The following PPARGC1A variants were observed in gnomAD, a reference collection of about 807,000 sequenced individuals.
The protein encoded by PPARGC1A is peroxisome proliferator-activated receptor gamma coactivator 1-alpha.
A neutral mutation model predicts 88.7 loss-of-function variants in PPARGC1A; 25 were observed. The observed-to-expected ratio is 0.28, with a 90% confidence interval of 0.21 to 0.39. The LOEUF (loss-of-function observed/expected upper bound fraction) is 0.39. Ranked by LOEUF, PPARGC1A falls within the 10% of genes least tolerant of loss-of-function variation. The probability of loss-of-function intolerance (pLI) is 1.00; values close to 1 mark genes in which losing one functional copy is unlikely to be tolerated. For missense variants in PPARGC1A, 880 were observed against 968.7 expected, an observed-to-expected ratio of 0.91 and a Z score of 1.22; for synonymous variants, 363 against 355.6, an observed-to-expected ratio of 1.02 and a Z score of -0.24.
the PPARGC1A span, among the ~76,000 whole-genome samples, chr4:24,224,295 A>G: frequency 0.49 from 74,907 of 152,066 alleles, 19,909 homozygotes; most frequent in Non-Finnish European, 0.58. Context: ...AGACGTTAAG[A>G]ATAAGACAGG....
the PPARGC1A span, among the ~76,000 whole-genome samples, chr4:24,078,249 A>T: frequency 6.6e-6 from 1 of 152,056 alleles, no homozygotes; most frequent in Non-Finnish European, 1.5e-5. Context: ...GGTGAACTTT[A>T]CTGCAATGTG....
chr4:24,010,648 T>C, the PPARGC1A span, among the ~76,000 whole-genome samples: 1 of 152,364 alleles, frequency 6.6e-6, no homozygotes, highest in Non-Finnish European at 1.5e-5. Context: ...ATATTTACTT[T>C]TGACTGCTTT....
At chr4:24,417,964 A>G in the PPARGC1A span, among the ~76,000 whole-genome samples, 11 of 151,920 alleles carry the variant, frequency 7.2e-5, no homozygotes, top group Non-Finnish European at 4.4e-5. Flanking sequence ...CTAACCCTCC[A>G]CCATCAGACT....
At chr4:24,367,573 A>C in the PPARGC1A span, among the ~76,000 whole-genome samples, 2 of 152,200 alleles carry the variant, frequency 1.3e-5, no homozygotes, top group Non-Finnish European at 2.9e-5. Context: ...GCAAATAATA[A>C]TAAGTAATTT....
At chr4:24,098,550 A>G in the PPARGC1A span, among the ~76,000 whole-genome samples, 1 of 152,218 alleles carries the variant, frequency 6.6e-6, no homozygotes, top group Non-Finnish European at 1.5e-5. Context: ...AAAGCAAAAG[A>G]CCCAAATATT....
chr4:24,107,822 A>G, the PPARGC1A span, among the ~76,000 whole-genome samples: 1 of 152,232 alleles, frequency 6.6e-6, no homozygotes, highest in Admixed American at 6.5e-5. Flanking sequence ...AGCCTTTGCT[A>G]TAGGATCATG....
chr4:24,002,335 C>T, the PPARGC1A span, among the ~76,000 whole-genome samples: 3 of 152,050 alleles, frequency 2.0e-5, no homozygotes, highest in African/African-American at 7.3e-5. Context: ...ACTATGTTGG[C>T]CAGGATGGTC....
chr4:24,172,090 C>T, the PPARGC1A span, among the ~76,000 whole-genome samples: 1 of 152,130 alleles, frequency 6.6e-6, no homozygotes, highest in Non-Finnish European at 1.5e-5. Context: ...CAGTCCTCTA[C>T]TATGGCAAAA....
chr4:23,820,578 T>G, intron 7 of PPARGC1A: 1 of 419,358 alleles, frequency 2.4e-6, no homozygotes, highest in Non-Finnish European at 4.8e-6. Context: ...CAAAAGAGCA[T>G]TCTCTTTTCT....
At chr4:24,304,856 C>T in the PPARGC1A span, among the ~76,000 whole-genome samples, 2 of 152,074 alleles carry the variant, frequency 1.3e-5, no homozygotes, top group African/African-American at 2.4e-5. Context: ...AAGGCAAAGT[C>T]ATGGGTTATC....
At chr4:24,193,047 G>A in the PPARGC1A span, among the ~76,000 whole-genome samples, 1 of 152,106 alleles carries the variant, frequency 6.6e-6, no homozygotes, top group Admixed American at 6.5e-5. Context: ...CAATTACTGA[G>A]TCTATAAATG....
At chr4:23,910,756 C>A in the PPARGC1A span, among the ~76,000 whole-genome samples, 1 of 151,700 alleles carries the variant, frequency 6.6e-6, no homozygotes, top group South Asian at 2.1e-4. Context: ...ATATTTTATA[C>A]CCATTACTAT....
At chr4:24,434,798 A>G in the PPARGC1A span, among the ~76,000 whole-genome samples, 1 of 152,162 alleles carries the variant, frequency 6.6e-6, no homozygotes, top group Non-Finnish European at 1.5e-5. Context: ...TCTTTTGTCC[A>G]TTCATGACAG....
intron 2 of PPARGC1A, among the ~76,000 whole-genome samples, chr4:23,874,970 A>C (rs1220626272): frequency 1.3e-5 from 2 of 152,228 alleles, no homozygotes; most frequent in African/African-American, 2.4e-5. Flanking sequence ...AGATATCAAA[A>C]ATTTGCATAA....
the PPARGC1A span, among the ~76,000 whole-genome samples, chr4:24,440,416 C>T: frequency 1.3e-5 from 2 of 152,180 alleles, no homozygotes; most frequent in Admixed American, 6.5e-5. Context: ...AGCCAGTTCA[C>T]GCAAAGTACA....
At chr4:24,075,122 G>A in the PPARGC1A span, among the ~76,000 whole-genome samples, 2 of 152,190 alleles carry the variant, frequency 1.3e-5, no homozygotes, top group African/African-American at 4.8e-5. Context: ...AGGTGTCTAT[G>A]AGCCCGTCTC....
chr4:23,906,288 A>T (rs78765242), upstream of PPARGC1A, among the ~76,000 whole-genome samples: 205 of 152,176 alleles, frequency 1.3e-3, 1 homozygote, highest in African/African-American at 4.7e-3. Context: ...AGTAAAACAC[A>T]TATTATGACC....
the PPARGC1A span, among the ~76,000 whole-genome samples, chr4:24,278,051 T>C: frequency 6.6e-6 from 1 of 152,064 alleles, no homozygotes; most frequent in Non-Finnish European, 1.5e-5. Flanking sequence ...GGCTCATGCT[T>C]GTAGTCCCAG....
the PPARGC1A span, among the ~76,000 whole-genome samples, chr4:24,175,766 A>G: frequency 6.6e-6 from 1 of 151,962 alleles, no homozygotes; most frequent in African/African-American, 2.4e-5. Flanking sequence ...GTAACCATAA[A>G]TAATAAAATA....
Sources: allele counts gnomAD v4.1 joint callset (sites outside exome capture counted in the v4.1 genomes callset), GRCh38; gene constraint gnomAD v4.1.1; transcripts MANE v1.5; gene names NCBI Gene and HGNC (gene_info 2026-07-23, HGNC 2026-07-21).